SCMH1: variants seen among roughly 807,000 people sequenced by gnomAD.
SCMH1 encodes the protein polycomb protein SCMH1.
Under a neutral mutation model 70.8 loss-of-function variants are expected in SCMH1, and 37 were observed. That is an observed-to-expected ratio of 0.52 (90% confidence interval 0.40 to 0.69). The LOEUF (loss-of-function observed/expected upper bound fraction) is 0.69. Among genes scored for constraint, SCMH1 ranks in the 30% least tolerant of loss-of-function variants. The pLI is 0.00. For missense variants in SCMH1, 607 were observed against 827.3 expected, an observed-to-expected ratio of 0.73 and a Z score of 3.27; for synonymous variants, 292 against 307.4, an observed-to-expected ratio of 0.95 and a Z score of 0.52.
In SCMH1 at chr1:41,113,887, G is replaced by A. The variant is rs542897838; in HGVS notation, c.502-361C>T. On this transcript the variant is annotated intron_variant, in intron 7 of 14. Coordinates refer to ENST00000337495, the Ensembl canonical transcript of SCMH1. This position sits in a 1 kb window ranked among gnomAD's most constrained non-coding sequence, Gnocchi z 4.3. The stretch of plus-strand genomic sequence containing the variant: ...TATATACATACATACCCATTTGCCT[G>A]CTTTTAAATTTTATATAAATGGTAT... Among the ~76,000 whole-genome samples, 1 of 152,016 alleles carries A rather than the reference G, an allele frequency of 6.6e-6. No individual in the cohort carries two copies. Among genetic ancestry groups the A allele is most frequent in the South Asian group, 2.1e-4 (1 of 4,816 alleles).
chr1:41,112,683 C>T (rs1303270969), intron 8 of SCMH1, among the ~76,000 whole-genome samples: 1 of 152,116 alleles, frequency 6.6e-6, no homozygotes, highest in Non-Finnish European at 1.5e-5. Flanking sequence ...TTCATGTAAG[C>T]ATTTTACCCA....
At chr1:41,237,672 A>G (rs937797822) in intron 1 of SCMH1, among the ~76,000 whole-genome samples, 1 of 152,160 alleles carries the variant, frequency 6.6e-6, no homozygotes, top group African/African-American at 2.4e-5. Flanking sequence ...ACCATACCCT[A>G]TGCTTTCCCT....
intron 4 of SCMH1, among the ~76,000 whole-genome samples, chr1:41,153,089 G>C (rs1266497327): frequency 6.6e-6 from 1 of 152,204 alleles, no homozygotes; most frequent in Non-Finnish European, 1.5e-5. Flanking sequence ...ATTGTTTGCT[G>C]TTAGAAAAAT....
chr1:41,137,443 G>GCACA (rs144740952), intron 6 of SCMH1, among the ~76,000 whole-genome samples: 1 of 151,112 alleles, frequency 6.6e-6, no homozygotes, highest in Non-Finnish European at 1.5e-5. Context: ...GCATACATAT[G>GCACA]CACACACACA....
chr1:41,071,324 TTATC>T (rs1656422206), intron 9 of SCMH1, among the ~76,000 whole-genome samples: 1 of 152,222 alleles, frequency 6.6e-6, no homozygotes, highest in Non-Finnish European at 1.5e-5. Context: ...ACAAATTTGT[TTATC>T]TAGGAAGCTT....
chr1:41,211,659 TTACTGGGTA>T (rs1657052103), intron 1 of SCMH1, among the ~76,000 whole-genome samples: 1 of 152,214 alleles, frequency 6.6e-6, no homozygotes, highest in Admixed American at 6.5e-5. Context: ...AGCGATCCCA[TTACTGGGTA>T]TATACCCAAA....
intron 2 of SCMH1, among the ~76,000 whole-genome samples, chr1:41,173,181 TAAGCTATTAATCC>T (rs1442006026): frequency 6.6e-6 from 1 of 152,038 alleles, no homozygotes; most frequent in African/African-American, 2.4e-5. Flanking sequence ...GAAATATATG[TAAGCTATTAATCC>T]AATAAGGGAT....
At chr1:41,112,086 C>T (rs999331634) in intron 8 of SCMH1, among the ~76,000 whole-genome samples, 1 of 151,998 alleles carries the variant, frequency 6.6e-6, no homozygotes, top group Non-Finnish European at 1.5e-5. Context: ...TACTTTATTT[C>T]CTTAGGAGAA....
chr1:41,189,899 G>GT (rs2148660147), intron 1 of SCMH1, among the ~76,000 whole-genome samples: 1 of 152,336 alleles, frequency 6.6e-6, no homozygotes, highest in African/African-American at 2.4e-5. Context: ...GAGGCAGAGC[G>GT]TAAGAGAAGC....
chr1:41,074,590 G>A (rs1433606766), intron 9 of SCMH1, among the ~76,000 whole-genome samples: 1 of 151,926 alleles, frequency 6.6e-6, no homozygotes, highest in Non-Finnish European at 1.5e-5. Context: ...TGTGCTTTCT[G>A]TCTACACGCT....
At chr1:41,215,924 G>A (rs548341536) in intron 1 of SCMH1, among the ~76,000 whole-genome samples, 1 of 152,240 alleles carries the variant, frequency 6.6e-6, no homozygotes, top group South Asian at 2.1e-4. Context: ...TGTTAACATA[G>A]GATTTGGATA....
At chr1:41,137,149 C>CA (rs1049552006) in intron 6 of SCMH1, among the ~76,000 whole-genome samples, 3 of 151,894 alleles carry the variant, frequency 2.0e-5, no homozygotes, top group Non-Finnish European at 4.4e-5. Context: ...TTTCCTTTAT[C>CA]TTTTTTTTCT....
chr1:41,068,313 A>G (rs1337029440), intron 10 of SCMH1, among the ~76,000 whole-genome samples: 5 of 152,252 alleles, frequency 3.3e-5, no homozygotes, highest in Non-Finnish European at 7.3e-5. Context: ...AGATACGACT[A>G]TTACAGAACC....
At chr1:41,210,642 A>G (rs936487553) in intron 1 of SCMH1, among the ~76,000 whole-genome samples, 3 of 152,286 alleles carry the variant, frequency 2.0e-5, no homozygotes, top group African/African-American at 7.2e-5. Context: ...TGCTGGGGAA[A>G]CTGGCTAGCC....
At chr1:41,052,771 A>G (rs1219448493) in intron 10 of SCMH1, among the ~76,000 whole-genome samples, 2 of 152,150 alleles carry the variant, frequency 1.3e-5, no homozygotes, top group Non-Finnish European at 2.9e-5. Flanking sequence ...AGGGAAATCT[A>G]ATCTATGGTG....
intron 4 of SCMH1, 78 bp downstream of exon 4, chr1:41,160,794 CGTT>C: frequency 7.6e-7 from 1 of 1,318,256 alleles, no homozygotes; most frequent in Non-Finnish European, 1.1e-6. Flanking sequence ...TTCTTTTCCT[CGTT>C]GGTTAAAACT....
chr1:41,043,940 A>C (rs557995659), intron 12 of SCMH1: 1 of 152,322 alleles, frequency 6.6e-6, no homozygotes, highest in African/African-American at 2.4e-5. Context: ...TAGTTAGGAG[A>C]AACAGACGAA....
chr1:41,028,456 C>T, intron 14 of SCMH1, 128 bp downstream of exon 15: 8 of 1,501,902 alleles, frequency 5.3e-6, no homozygotes, highest in Non-Finnish European at 6.4e-6. Flanking sequence ...TGCTGTGATG[C>T]TGAAGCCTAC....
intron 8 of SCMH1, among the ~76,000 whole-genome samples, chr1:41,079,385 A>T (rs1659302560): frequency 6.6e-6 from 1 of 152,140 alleles, no homozygotes; most frequent in Non-Finnish European, 1.5e-5. Flanking sequence ...TTTGTTTATA[A>T]GAGGGCCCTG....
Sources: allele counts gnomAD v4.1 joint callset (sites outside exome capture counted in the v4.1 genomes callset), GRCh38; gene constraint gnomAD v4.1.1; non-coding constraint Gnocchi (gnomAD v3.1); transcripts MANE v1.5; gene names NCBI Gene and HGNC (gene_info 2026-07-23, HGNC 2026-07-21).